The following TANC1 variants were observed in gnomAD, a reference collection of about 807,000 sequenced individuals.
TANC1 encodes the protein protein TANC1.
TANC1 carries 77 observed loss-of-function variants against 149.7 expected under a neutral mutation model. The observed-to-expected ratio is 0.51, with a 90% confidence interval of 0.43 to 0.62. The LOEUF is 0.62. Among genes scored for constraint, TANC1 ranks in the 20% least tolerant of loss-of-function variants. The pLI is 0.00. For missense variants in TANC1, 1,985 were observed against 2,321.8 expected (o/e 0.85, Z 2.98); for synonymous variants, 854 against 925.0 (o/e 0.92, Z 1.39).
chr2:159,031,988 G>A (rs781513411), intron 2 of TANC1, among the ~76,000 whole-genome samples: 1 of 152,136 alleles, frequency 6.6e-6, no homozygotes, highest in Non-Finnish European at 1.5e-5. Context: ...CTACAGAAAC[G>A]CTTAGGCTGT....
At chr2:159,131,988 A>G (rs1437410778) in intron 4 of TANC1, among the ~76,000 whole-genome samples, 25 of 152,178 alleles carry the variant, frequency 1.6e-4, no homozygotes, top group Admixed American at 1.6e-3. Context: ...TGGGTGGTGG[A>G]AGTTCCCAGT....
intron 7 of TANC1, among the ~76,000 whole-genome samples, chr2:159,151,128 G>A (rs139791070): frequency 1.1e-3 from 161 of 152,278 alleles, no homozygotes; most frequent in African/African-American, 3.8e-3. Flanking sequence ...GGACTCTTAC[G>A]CCGATTTGCC....
In TANC1 at chr2:159,170,519, T is replaced by G; in HGVS notation, c.1070-5T>G. ...TTTCTAAAATTTTTTTTTCTTCTTT[T>G]GAAGCACGATTTGCTCCCTACAAGC... On this transcript the variant is annotated splice_polypyrimidine_tract_variant and splice_region_variant and intron_variant, in intron 9 of 26. Coordinates refer to ENST00000263635, the MANE Select transcript of TANC1 (RefSeq NM_033394.3). The G allele has an allele frequency of 6.4e-7, 1 of 1,561,734 alleles. No individual in the cohort carries two copies. The highest frequency in any genetic ancestry group is 8.6e-7 in the Non-Finnish European group (1 of 1,156,666).
chr2:159,118,894 AAG>A (rs2048567428), intron 4 of TANC1, among the ~76,000 whole-genome samples: 1 of 152,192 alleles, frequency 6.6e-6, no homozygotes. Context: ...CTTAAAGAAA[AAG>A]AGAAGCTACC....
At chr2:159,161,673 C>T (rs572762002) in intron 7 of TANC1, among the ~76,000 whole-genome samples, 9 of 152,272 alleles carry the variant, frequency 5.9e-5, no homozygotes, top group African/African-American at 1.9e-4. Context: ...CTTGCTATGC[C>T]TATGTTCATA....
At chr2:159,202,388 A>G (rs549019940) in intron 19 of TANC1, among the ~76,000 whole-genome samples, 170 of 152,350 alleles carry the variant, frequency 1.1e-3, no homozygotes, top group Non-Finnish European at 1.9e-3. Flanking sequence ...GTTTATTGCA[A>G]TCAACCCACA....
intron 2 of TANC1, among the ~76,000 whole-genome samples, chr2:159,018,648 C>T (rs1195048411): frequency 6.6e-6 from 1 of 152,162 alleles, no homozygotes; most frequent in African/African-American, 2.4e-5. Flanking sequence ...AATAACTTTC[C>T]ATTTCTCCTT....
At chr2:159,217,030 A>G (rs1448920589) in intron 19 of TANC1, among the ~76,000 whole-genome samples, 1 of 152,174 alleles carries the variant, frequency 6.6e-6, no homozygotes, top group African/African-American at 2.4e-5. Context: ...TAGGCCGGGC[A>G]TGGTGGGGAT....
intron 2 of TANC1, among the ~76,000 whole-genome samples, chr2:159,035,633 T>C (rs1157336706): frequency 2.0e-5 from 3 of 152,214 alleles, no homozygotes; most frequent in Admixed American, 6.5e-5. Flanking sequence ...TTTTCCTTTC[T>C]GTAATTACTA....
intron 10 of TANC1, among the ~76,000 whole-genome samples, chr2:159,171,434 C>A (rs2055193343): frequency 6.6e-6 from 1 of 152,078 alleles, no homozygotes; most frequent in Admixed American, 6.5e-5. Flanking sequence ...GAGTTTGAGA[C>A]CAGCTTGGAC....
At chr2:159,053,976 G>A (rs1321212540) in intron 2 of TANC1, among the ~76,000 whole-genome samples, 1 of 152,222 alleles carries the variant, frequency 6.6e-6, no homozygotes, top group Non-Finnish European at 1.5e-5. Context: ...CTCAGTGGAG[G>A]CAGGTGTTTT....
rs1376401970 is a variant in TANC1, at chr2:159,169,273, G to T, written c.970G>T (p.Asp324Tyr). ...VAATSSTKLE[D>Y]LSYLDGQRNA... is the part of the protein sequence containing the mutation. ...AGCAACAAGCTCAACCAAATTGGAA[G>T]ATCTGAGTTATTTAGACGGGCAGAG... The change falls in exon 9 of 27, where the codon GAT becomes TAT. Residue 324 changes from aspartate (D) to tyrosine (Y), a missense_variant. Physicochemically the swap from Asp to Tyr is radical, Grantham distance 160 (BLOSUM62 -3). This residue lies in a region of TANC1 where 557 missense variants were observed against 612.9 expected (regional missense o/e 0.91). Coordinates refer to ENST00000263635, the MANE Select transcript of TANC1 (RefSeq NM_033394.3). 1 of 1,613,818 alleles carries T rather than the reference G, an allele frequency of 6.2e-7. No homozygotes were observed. The highest frequency in any genetic ancestry group is 1.1e-5 in the South Asian group (1 of 91,052).
At chr2:159,118,965 A>C (rs2048573774) in intron 4 of TANC1, among the ~76,000 whole-genome samples, 1 of 152,192 alleles carries the variant, frequency 6.6e-6, no homozygotes, top group Non-Finnish European at 1.5e-5. Flanking sequence ...TTAAAGTAAA[A>C]AATCTCTGTA....
At chr2:159,156,844 T>C (rs2053493170) in intron 7 of TANC1, among the ~76,000 whole-genome samples, 1 of 142,884 alleles carries the variant, frequency 7.0e-6, no homozygotes, top group Admixed American at 7.1e-5. Flanking sequence ...GACTTCTCAG[T>C]TGGGCAGTGT....
chr2:159,080,783 C>T (rs1396217103), intron 3 of TANC1, among the ~76,000 whole-genome samples: 1 of 152,140 alleles, frequency 6.6e-6, no homozygotes, highest in Non-Finnish European at 1.5e-5. Flanking sequence ...AGTGCAGCTG[C>T]CCAGAGCAGC....
chr2:159,011,711 T>C (rs2037785630), intron 2 of TANC1, among the ~76,000 whole-genome samples: 1 of 152,102 alleles, frequency 6.6e-6, no homozygotes, highest in Non-Finnish European at 1.5e-5. Context: ...AAATTGCACC[T>C]TTTTAAGATG....
At chr2:159,054,849 C>G (rs1022499340) in intron 2 of TANC1, among the ~76,000 whole-genome samples, 2 of 152,244 alleles carry the variant, frequency 1.3e-5, no homozygotes, top group Admixed American at 6.5e-5. Flanking sequence ...TTACAGTGGT[C>G]TTAGGAACAA....
intron 2 of TANC1, among the ~76,000 whole-genome samples, chr2:159,026,100 T>A (rs2039319802): frequency 1.3e-5 from 2 of 152,118 alleles, no homozygotes; most frequent in South Asian, 4.1e-4. Flanking sequence ...CCTGGCTAAT[T>A]TTTAAATTTT....
At chr2:159,079,346 C>CTTTT (rs68143585) in intron 3 of TANC1, among the ~76,000 whole-genome samples, 9,483 of 109,548 alleles carry the variant, frequency 0.087, 572 homozygotes, top group Non-Finnish European at 0.095. Flanking sequence ...GTGTGTGTGT[C>CTTTT]TTTTTTTTTT....
Sources: gnomAD v4.1 joint callset for allele counts (sites outside exome capture counted in the v4.1 genomes callset) on GRCh38, gnomAD v4.1.1 for gene constraint, gnomAD v4.1.1 regional missense constraint, MANE v1.5 for transcripts, NCBI Gene and HGNC (gene_info 2026-07-23, HGNC 2026-07-21) for gene names.